Variants in BCL7C observed in about 807,000 individuals in gnomAD.
BCL7C encodes the protein B-cell CLL/lymphoma 7 protein family member C.
BCL7C carries 8 observed loss-of-function variants against 26.2 expected under a neutral mutation model. That is an observed-to-expected ratio of 0.30 (90% CI 0.18 to 0.55). The LOEUF (loss-of-function observed/expected upper bound fraction) is 0.55, where lower values mean the gene tolerates loss of function less well. Ranked by LOEUF, BCL7C falls within the 20% of genes least tolerant of loss-of-function variation. The pLI, the probability that BCL7C is intolerant of heterozygous loss-of-function variation, is 0.93. For missense variants in BCL7C, 262 were observed against 298.5 expected (o/e 0.88, Z 0.90); for synonymous variants, 90 against 116.5 (o/e 0.77, Z 1.47).
At chr16:30,882,330 G>A (rs1360958118) in intron 5 of BCL7C, among the ~76,000 whole-genome samples, 1 of 152,146 alleles carries the variant, frequency 6.6e-6, no homozygotes, top group Non-Finnish European at 1.5e-5. Flanking sequence ...AGTACCTATT[G>A]CTATGAATAA....
chr16:30,888,769 A>G, intron 5 of BCL7C, 91 bp downstream of exon 5: 3 of 1,224,840 alleles, frequency 2.4e-6, no homozygotes, highest in Non-Finnish European at 3.5e-6. Context: ...CCTCTCCTCC[A>G]GGCCCTCAGG....
At chr16:30,887,044 C>G (rs564010869), downstream of BCL7C, among the ~76,000 whole-genome samples, 1 of 152,276 alleles carries the variant, frequency 6.6e-6, no homozygotes, top group Middle Eastern at 3.4e-3. Flanking sequence ...CATGGTGGCT[C>G]ATGCCTGTAA....
At chr16:30,840,618 G>A (rs1445514288) in intron 5 of BCL7C, 1 of 152,238 alleles carries the variant, frequency 6.6e-6, no homozygotes, top group African/African-American at 2.4e-5. Flanking sequence ...GAAGAAAGAT[G>A]TATTAGTCTG....
At chr16:30,837,139 T>C (rs1352565010) in intron 5 of BCL7C, among the ~76,000 whole-genome samples, 1 of 151,674 alleles carries the variant, frequency 6.6e-6, no homozygotes, top group African/African-American at 2.4e-5. Flanking sequence ...CGTCACTGAG[T>C]GAAACTTTGC....
At chr16:30,848,618 G>A (rs986901495) in intron 5 of BCL7C, among the ~76,000 whole-genome samples, 7 of 152,052 alleles carry the variant, frequency 4.6e-5, no homozygotes, top group South Asian at 4.2e-4. Context: ...GGCCAGGTGC[G>A]GTGACTCACA....
chr16:30,876,685 G>C (rs945695177), intron 5 of BCL7C, among the ~76,000 whole-genome samples: 5 of 152,148 alleles, frequency 3.3e-5, no homozygotes, highest in African/African-American at 1.2e-4. Context: ...CAAACCCAAA[G>C]CCTGAGATAA....
intron 5 of BCL7C, among the ~76,000 whole-genome samples, chr16:30,856,780 C>G (rs1306701348): frequency 6.6e-6 from 1 of 152,196 alleles, no homozygotes; most frequent in Non-Finnish European, 1.5e-5. Context: ...CCGGCCGGCA[C>G]AGAGCCACAA....
exon 6 of BCL7C, chr16:30,835,091 G>T (rs554117624): frequency 3.9e-6 from 6 of 1,544,902 alleles, no homozygotes; most frequent in Admixed American, 3.9e-5. Flanking sequence ...CTCCTGAGGG[G>T]CTCTGTCTTC....
intron 5 of BCL7C, among the ~76,000 whole-genome samples, chr16:30,854,107 C>G (rs1318979291): frequency 6.6e-6 from 1 of 152,116 alleles, no homozygotes; most frequent in African/African-American, 2.4e-5. Flanking sequence ...GGGCAAAGGT[C>G]TCCTCAGGTA....
intron 4 of BCL7C, 113 bp downstream of exon 4, chr16:30,892,473 G>A (rs1381517527): frequency 9.4e-6 from 10 of 1,067,622 alleles, no homozygotes; most frequent in Admixed American, 2.7e-5. Flanking sequence ...GTCGGAAGGC[G>A]CCTTGAGGAG....
chr16:30,875,264 C>G (rs2054928399), intron 5 of BCL7C: 1 of 154,516 alleles, frequency 6.5e-6, no homozygotes. Flanking sequence ...CGACATATCC[C>G]CTACCCGCTT....
At chr16:30,838,639 T>C (rs1359387377) in intron 5 of BCL7C, among the ~76,000 whole-genome samples, 2 of 152,060 alleles carry the variant, frequency 1.3e-5, no homozygotes, top group Admixed American at 1.3e-4. Context: ...TACAAAAAAT[T>C]AGCAGGGATT....
At chr16:30,873,442 T>C (rs942514579) in intron 5 of BCL7C, among the ~76,000 whole-genome samples, 2 of 152,130 alleles carry the variant, frequency 1.3e-5, no homozygotes. Flanking sequence ...AAATTGACTG[T>C]GGTGATATTT....
intron 5 of BCL7C, among the ~76,000 whole-genome samples, chr16:30,848,493 C>G (rs1162974447): frequency 6.6e-6 from 1 of 152,158 alleles, no homozygotes; most frequent in African/African-American, 2.4e-5. Flanking sequence ...TTGGCAGTAG[C>G]TAATGGATTA....
At position 30,893,165 on chromosome 16, in the gene BCL7C, C is replaced by T; in HGVS notation, c.171+47G>A. 1.3e-6 allele frequency: 2 copies of T among 1,582,670 alleles called. No individual in the cohort carries two copies. Among genetic ancestry groups the T allele is most frequent in the South Asian group, 2.3e-5 (2 of 88,284 alleles). On this transcript the variant is annotated intron_variant, in intron 2 of 5. Transcript: ENST00000215115. The surrounding 1 kb of genome is among the most constrained non-coding windows in gnomAD (Gnocchi z 5.2). The stretch of plus-strand genomic sequence containing the variant: ...GAGGTCAGCGTGGGGAGGAACTTGC[C>T]TGAGGTTGCACAGATGCAGGGCCTT...
chr16:30,857,824 A>T (rs1456156903), intron 5 of BCL7C, among the ~76,000 whole-genome samples: 1 of 151,962 alleles, frequency 6.6e-6, no homozygotes, highest in Non-Finnish European at 1.5e-5. Flanking sequence ...TACAAAAATT[A>T]GCTGGGTGTG....
rs1268055253 is a variant in BCL7C at position 30,834,948 on chromosome 16, T to A, written c.729A>T (p.Ter243CysextTer38). 1 of 1,525,312 alleles carries A rather than the reference T, an allele frequency of 6.6e-7. No individual in the cohort carries two copies. Among genetic ancestry groups the A allele is most frequent in the Admixed American group, 2.1e-5 (1 of 47,292 alleles). The allele number at this position is 1,525,312 out of a possible 1,614,324, so 94.5% of individuals were successfully genotyped here. A position where few individuals can be genotyped will look rare whatever the true frequency, so the allele number is the denominator to read the frequency against. The change falls in exon 6 of 6, where the codon TGA becomes TGT. Residue 243 changes from the stop codon to cysteine (C), a stop_lost. Transcript: ENST00000380317. This position sits in a 1 kb window ranked among gnomAD's most constrained non-coding sequence, Gnocchi z 4.3. The stretch of plus-strand genomic sequence containing the variant: ...GTCTTGGCTTGCTTGGGGAGCCCAC[T>A]CACCTCCCCTTACCCTGGGGGATTG...
chr16:30,860,831 A>T (rs150554702), intron 5 of BCL7C, among the ~76,000 whole-genome samples: 1 of 151,950 alleles, frequency 6.6e-6, no homozygotes, highest in African/African-American at 2.4e-5. Context: ...CTATGAACCT[A>T]TCTGACCTCT....
chr16:30,890,094 G>A (rs2055202735), intron 4 of BCL7C, among the ~76,000 whole-genome samples: 1 of 152,086 alleles, frequency 6.6e-6, no homozygotes, highest in South Asian at 2.1e-4. Flanking sequence ...GGGTTTGACT[G>A]CATGGAAGAA....
Sources: gnomAD v4.1 joint callset for allele counts (sites outside exome capture counted in the v4.1 genomes callset) on GRCh38, gnomAD v4.1.1 for gene constraint, Gnocchi (gnomAD v3.1) non-coding constraint, MANE v1.5 for transcripts, NCBI Gene and HGNC (gene_info 2026-07-23, HGNC 2026-07-21) for gene names.